The following XRN2 variants were observed in gnomAD, a reference collection of about 807,000 sequenced individuals.
The protein encoded by XRN2 is 5'-3' exoribonuclease 2, also known as DHM1-like protein.
Under a neutral mutation model 138.5 loss-of-function variants are expected in XRN2, and 44 were observed. The ratio of observed to expected loss-of-function variants is 0.32; its 90% CI spans 0.25 to 0.41. The LOEUF (loss-of-function observed/expected upper bound fraction) is 0.41. Ranked by LOEUF, XRN2 falls within the 10% of genes least tolerant of loss-of-function variation. The probability of loss-of-function intolerance (pLI) is 1.00; values close to 1 mark genes in which losing one functional copy is unlikely to be tolerated. For missense variants in XRN2, 937 were observed against 1,169.3 expected (o/e 0.80, Z 2.90); for synonymous variants, 354 against 369.4 (o/e 0.96, Z 0.48).
At position 21,330,509 on chromosome 20, in the gene XRN2, A is replaced by G; in HGVS notation, c.456A>G (p.Lys152=). 2.5e-6 allele frequency: 4 copies of G among 1,613,890 alleles called. No homozygotes were observed. In the South Asian group the frequency reaches 4.4e-5, roughly 18 times the overall value. ...GCTTTCTTCCTCCAGAAGAAATAAA[A>G]GAAAGATTTGACAGCAACTGTATTA... ...KGGFLPPEEI[K]ERFDSNCITP... is the part of the protein sequence containing the mutation. The change falls in exon 5 of 30, where the codon AAA becomes AAG. Residue 152 remains lysine, a synonymous_variant. Coordinates refer to ENST00000377191, the MANE Select transcript of XRN2 (RefSeq NM_012255.5).
In XRN2 at chr20:21,334,263, C is replaced by T. The variant is rs370979704; in HGVS notation, c.1233+78C>T. On this transcript the variant is annotated intron_variant, in intron 13 of 29. Coordinates refer to ENST00000377191, the MANE Select transcript of XRN2 (RefSeq NM_012255.5). ...TGATGATCCTGTGATTACTTTTAAT[C>T]TCTTTGAGTGTGTTTTTATATCATT... 4.4e-5 allele frequency: 52 copies of T among 1,183,768 alleles called. No homozygotes were observed. In the African/African-American group the frequency reaches 7.5e-4, roughly 17 times the overall value. 73.3% of individuals were successfully genotyped at this position (1,183,768 alleles called of 1,614,324 possible).
At chr20:21,312,907 ATAAAT>A (rs2122167081) in intron 1 of XRN2, among the ~76,000 whole-genome samples, 1 of 152,278 alleles carries the variant, frequency 6.6e-6, no homozygotes, top group African/African-American at 2.4e-5. Flanking sequence ...TGGGCCCTAG[ATAAAT>A]TAAATAACAC....
rs530044918 is a variant in XRN2 at position 21,322,296 on chromosome 20, AC to A, written c.76-3980del. Among the ~76,000 whole-genome samples the A allele has an allele frequency of 4.7e-3, 719 of 152,304 alleles. 3 individuals are homozygous for A. The highest frequency in any genetic ancestry group is 8.1e-3 in the Non-Finnish European group (549 of 68,022). On this transcript the variant is annotated intron_variant, in intron 1 of 29. Coordinates refer to ENST00000377191, the MANE Select transcript of XRN2 (RefSeq NM_012255.5). Reference sequence around the variant, plus strand: ...CGTACAACTTGAAAAAATACTAATCACCCATAAGTGTTAAAATTGTCTTATT... The same window carrying A: ...CGTACAACTTGAAAAAATACTAATCACCATAAGTGTTAAAATTGTCTTATT...
At chr20:21,340,911 G>A in intron 15 of XRN2, 59 bp downstream of exon 15, 1 of 1,581,726 alleles carries the variant, frequency 6.3e-7, no homozygotes, top group Non-Finnish European at 8.6e-7. Context: ...ACCTCTTGCA[G>A]GGGTGGTGTG....
chr20:21,347,932 T>G (rs1052091675), intron 17 of XRN2, among the ~76,000 whole-genome samples: 2 of 152,244 alleles, frequency 1.3e-5, no homozygotes, highest in Non-Finnish European at 2.9e-5. Flanking sequence ...TGTAGCATTT[T>G]TAAAGTCAAA....
At chr20:21,339,132 T>C (rs1219935140) in intron 14 of XRN2, 44 bp downstream of exon 14, 1 of 1,561,278 alleles carries the variant, frequency 6.4e-7, no homozygotes, top group East Asian at 2.3e-5. Context: ...AGCGTAATTT[T>C]ACAATTTATG....
chr20:21,353,662 G>T (rs1431326896), intron 20 of XRN2, among the ~76,000 whole-genome samples: 1 of 151,890 alleles, frequency 6.6e-6, no homozygotes, highest in Non-Finnish European at 1.5e-5. Context: ...TGTGGTGGTG[G>T]CATGTGCCTG....
Position 21,362,088 on chromosome 20 carries a change from G to A in XRN2, c.2256-3333G>A, listed in dbSNP as rs61542982. Among the ~76,000 whole-genome samples, 226 of 152,256 alleles carry A rather than the reference G, an allele frequency of 1.5e-3. 1 individual carries two copies. In the East Asian group the frequency reaches 0.031, roughly 21 times the overall value. ...CTCCTAATGGTTTGTATTGTATTAA[G>A]TGTGTAGATCCTTTTGTTGAATGTG... On this transcript the variant is annotated intron_variant, in intron 24 of 29. Coordinates refer to ENST00000377191, the MANE Select transcript of XRN2 (RefSeq NM_012255.5).
chr20:21,339,302 G>A (rs1319803924), intron 14 of XRN2, among the ~76,000 whole-genome samples: 2 of 152,178 alleles, frequency 1.3e-5, no homozygotes, highest in Non-Finnish European at 2.9e-5. Context: ...CACTTGGGAG[G>A]TGAGAGGTGG....
intron 20 of XRN2, among the ~76,000 whole-genome samples, chr20:21,354,396 AG>A (rs1282413455): frequency 6.6e-6 from 1 of 152,220 alleles, no homozygotes; most frequent in African/African-American, 2.4e-5. Context: ...ACCAAGTACT[AG>A]AAAGAAGAAA....
At chr20:21,349,724 C>T (rs2038482736) in intron 20 of XRN2, among the ~76,000 whole-genome samples, 1 of 151,852 alleles carries the variant, frequency 6.6e-6, no homozygotes. Flanking sequence ...GCCTGGAAGA[C>T]AGAGTGAGGC....
intron 20 of XRN2, among the ~76,000 whole-genome samples, chr20:21,351,146 C>T (rs552023407): frequency 1.3e-5 from 2 of 152,228 alleles, no homozygotes; most frequent in East Asian, 1.9e-4. Context: ...TCAACTCTGT[C>T]ATTGTGGTAT....
chr20:21,385,167 A>G (rs2038924908), intron 28 of XRN2, among the ~76,000 whole-genome samples: 1 of 152,208 alleles, frequency 6.6e-6, no homozygotes, highest in Non-Finnish European at 1.5e-5. Flanking sequence ...TATAATGTAT[A>G]TTATTTATGC....
chr20:21,379,098 G>A (rs138451958), intron 27 of XRN2, among the ~76,000 whole-genome samples: 183 of 152,282 alleles, frequency 1.2e-3, no homozygotes, highest in African/African-American at 4.0e-3. Flanking sequence ...TGATTGCCAC[G>A]CTGATTAGGT....
At chr20:21,324,325 C>G (rs2038091479) in intron 1 of XRN2, among the ~76,000 whole-genome samples, 1 of 152,092 alleles carries the variant, frequency 6.6e-6, no homozygotes, top group Non-Finnish European at 1.5e-5. Context: ...CAACTTGAAG[C>G]CCAGTTGCAT....
chr20:21,356,842 G>T (rs564225896), intron 23 of XRN2, among the ~76,000 whole-genome samples, 177 bp downstream of exon 23: 3 of 152,292 alleles, frequency 2.0e-5, no homozygotes, highest in African/African-American at 7.2e-5. Flanking sequence ...CAAAGTAGCT[G>T]TGTCACCTTG....
Position 21,348,175 on chromosome 20 carries a change from A to T in XRN2, c.1695A>T (p.Pro565=), listed in dbSNP as rs1211966630. The stretch of plus-strand genomic sequence containing the variant: ...GTGCTTCCTGGAAGTGGTATTATCC[A>T]TTTCATTATGCACCATTTGCTTCAG... ...QGCASWKWYY[P]FHYAPFASDF... is the part of the protein sequence containing the mutation. Residue 565 remains proline, a synonymous_variant, in exon 18 of 30, where the codon CCA becomes CCT. Coordinates refer to ENST00000377191, the MANE Select transcript of XRN2 (RefSeq NM_012255.5). 1 of 1,613,342 alleles carries T rather than the reference A, an allele frequency of 6.2e-7. No individual in the cohort carries two copies. Among genetic ancestry groups the T allele is most frequent in the South Asian group, 1.1e-5 (1 of 90,768 alleles).
At chr20:21,348,713 G>A (rs2038469283) in intron 19 of XRN2, among the ~76,000 whole-genome samples, 3 of 151,972 alleles carry the variant, frequency 2.0e-5, no homozygotes, top group South Asian at 2.1e-4. Flanking sequence ...TGGCACCATC[G>A]GCTCACTACA....
chr20:21,333,465 A>G (rs2038242741), intron 9 of XRN2, 79 bp from the exon 10 acceptor site: 1 of 1,422,590 alleles, frequency 7.0e-7, no homozygotes, highest in Non-Finnish European at 9.9e-7. Flanking sequence ...GCGTTAGAAA[A>G]AGCCTTAAAA....
Sources: allele counts gnomAD v4.1 joint callset (sites outside exome capture counted in the v4.1 genomes callset), GRCh38; gene constraint gnomAD v4.1.1; transcripts MANE v1.5; gene names NCBI Gene and HGNC (gene_info 2026-07-23, HGNC 2026-07-21).